The following GNG2 variants were observed in gnomAD, a reference collection of about 807,000 sequenced individuals.
The protein encoded by GNG2 is guanine nucleotide-binding protein G(I)/G(S)/G(O) subunit gamma-2.
A neutral mutation model predicts 5.5 loss-of-function variants in GNG2; 5 were observed. The observed-to-expected ratio is 0.91, with a 90% CI of 0.48 to 1.92. GNG2 has a LOEUF of 1.92. GNG2 is among the 30% of genes most tolerant of loss of function. GNG2 has a pLI of 0.01. For synonymous variants in GNG2, 28 were observed against 32.0 expected, an observed-to-expected ratio of 0.88 and a Z score of 0.42; for missense variants, 55 against 88.4, an observed-to-expected ratio of 0.62 and a Z score of 1.52.
chr14:51,852,074 TGACTTG>T (rs986393479), intron 2 of GNG2, among the ~76,000 whole-genome samples: 4 of 152,270 alleles, frequency 2.6e-5, no homozygotes, highest in Non-Finnish European at 5.9e-5. Flanking sequence ...GGTAAATAAA[TGACTTG>T]GCTGTGGTCT....
At chr14:51,941,916 A>G (rs1159287648) in intron 2 of GNG2, among the ~76,000 whole-genome samples, 1 of 152,210 alleles carries the variant, frequency 6.6e-6, no homozygotes, top group Non-Finnish European at 1.5e-5. Context: ...TCAGTCTGGA[A>G]TTCAGGTGGG....
At chr14:51,915,734 T>C (rs2140212389) in intron 2 of GNG2, among the ~76,000 whole-genome samples, 1 of 152,354 alleles carries the variant, frequency 6.6e-6, no homozygotes, top group Non-Finnish European at 1.5e-5. Flanking sequence ...GTGGTATTTC[T>C]TTAAATTAGT....
chr14:51,869,812 C>G (rs762217787), intron 1 of GNG2, among the ~76,000 whole-genome samples: 6 of 152,172 alleles, frequency 3.9e-5, no homozygotes, highest in African/African-American at 2.4e-5. Context: ...CTTGCCCTGC[C>G]GCGGCTCTTT....
chr14:51,878,754 C>T (rs1883845873), intron 2 of GNG2, among the ~76,000 whole-genome samples: 1 of 152,178 alleles, frequency 6.6e-6, no homozygotes, highest in Non-Finnish European at 1.5e-5. Context: ...CTGACCTATA[C>T]ATGTATAGCT....
chr14:51,888,543 T>C (rs1237023383), intron 2 of GNG2, among the ~76,000 whole-genome samples: 1 of 152,146 alleles, frequency 6.6e-6, no homozygotes, highest in Non-Finnish European at 1.5e-5. Context: ...TGGTCTTGAA[T>C]ACCTGGGCTC....
At chr14:51,847,875 CTTTTTCTTTTTTTTTTTTTTTT>C (rs1451908784) in intron 2 of GNG2, among the ~76,000 whole-genome samples, 3 of 66,182 alleles carry the variant, frequency 4.5e-5, no homozygotes, top group Admixed American at 4.7e-4. Flanking sequence ...AATACAGGTC[CTTTTTCTTTTTTTTTTTTTTTT>C]TTTTTTTTTT....
chr14:51,876,603 C>A (rs1471808492), intron 1 of GNG2, among the ~76,000 whole-genome samples: 1 of 152,052 alleles, frequency 6.6e-6, no homozygotes, highest in Non-Finnish European at 1.5e-5. Flanking sequence ...TTGTTTTTAG[C>A]CCTTGGCTTT....
intron 2 of GNG2, among the ~76,000 whole-genome samples, chr14:51,831,856 T>C (rs12883975): frequency 0.27 from 40,367 of 152,172 alleles, 6,442 homozygotes; most frequent in Non-Finnish European, 0.36. Flanking sequence ...GTGAAATACA[T>C]TATAAAATAT....
chr14:51,840,975 A>G (rs1366592384), intron 2 of GNG2, among the ~76,000 whole-genome samples: 1 of 152,212 alleles, frequency 6.6e-6, no homozygotes, highest in East Asian at 1.9e-4. Context: ...GAGTCTTCAC[A>G]TATCTGGTAA....
chr14:51,848,758 G>A (rs543180262), intron 2 of GNG2, among the ~76,000 whole-genome samples: 120 of 152,318 alleles, frequency 7.9e-4, no homozygotes, highest in Non-Finnish European at 1.4e-3. Context: ...ATGGGCTAGT[G>A]TTGGAGGAAT....
intron 1 of GNG2, among the ~76,000 whole-genome samples, chr14:51,876,544 C>T (rs1007348514): frequency 3.3e-5 from 5 of 152,168 alleles, no homozygotes; most frequent in Admixed American, 1.3e-4. Flanking sequence ...CTTATTTTGC[C>T]TGTCCCACCT....
At chr14:51,917,762 G>A (rs1055798334) in intron 2 of GNG2, among the ~76,000 whole-genome samples, 10 of 152,078 alleles carry the variant, frequency 6.6e-5, no homozygotes, top group African/African-American at 1.9e-4. Flanking sequence ...TGAGTGTGGT[G>A]GCTCACGCCT....
At chr14:51,888,224 C>A (rs1189884983) in intron 2 of GNG2, among the ~76,000 whole-genome samples, 1 of 152,064 alleles carries the variant, frequency 6.6e-6, no homozygotes, top group Non-Finnish European at 1.5e-5. Context: ...TCTTTTTATT[C>A]TTGGGTAGTA....
At chr14:51,962,803 G>T (rs1889691271) in intron 3 of GNG2, among the ~76,000 whole-genome samples, 1 of 152,204 alleles carries the variant, frequency 6.6e-6, no homozygotes, top group South Asian at 2.1e-4. Context: ...GGGATTGTCA[G>T]AAAGCAGAAA....
At chr14:51,847,936 C>T (rs929592606) in intron 2 of GNG2, among the ~76,000 whole-genome samples, 3 of 92,780 alleles carry the variant, frequency 3.2e-5, no homozygotes, top group African/African-American at 4.2e-5. Context: ...CTCTCATCTT[C>T]CTTTTTAACA....
At chr14:51,947,800 A>G (rs1888726398) in intron 2 of GNG2, among the ~76,000 whole-genome samples, 1 of 152,244 alleles carries the variant, frequency 6.6e-6, no homozygotes, top group Non-Finnish European at 1.5e-5. Flanking sequence ...GCATTGAGAC[A>G]CAGACTTTCC....
At chr14:51,918,596 G>T (rs764883086) in intron 2 of GNG2, 9 of 151,878 alleles carry the variant, frequency 5.9e-5, no homozygotes, top group African/African-American at 2.2e-4. Context: ...GTGAAAATAA[G>T]TAAAAAAATA....
At chr14:51,854,459 T>A (rs1290074572) in intron 2 of GNG2, among the ~76,000 whole-genome samples, 1 of 152,144 alleles carries the variant, frequency 6.6e-6, no homozygotes, top group Non-Finnish European at 1.5e-5. Flanking sequence ...TGGGCACAAC[T>A]GTTGGTATCC....
At chr14:51,921,410 G>C (rs1278763369) in intron 2 of GNG2, among the ~76,000 whole-genome samples, 1 of 152,170 alleles carries the variant, frequency 6.6e-6, no homozygotes, top group Non-Finnish European at 1.5e-5. Context: ...GAATACTCGA[G>C]ACCCTGGAGT....
Sources: allele counts gnomAD v4.1 joint callset (sites outside exome capture counted in the v4.1 genomes callset), GRCh38; gene constraint gnomAD v4.1.1; transcripts MANE v1.5; gene names NCBI Gene and HGNC (gene_info 2026-07-23, HGNC 2026-07-21).